The following RTN1 variants were observed in gnomAD, a reference collection of about 807,000 sequenced individuals.
RTN1 encodes reticulon-1.
RTN1 carries 25 observed loss-of-function variants against 65.5 expected under a neutral mutation model. The observed-to-expected ratio is 0.38, with a 90% CI of 0.28 to 0.53. RTN1 has a LOEUF of 0.53. Among genes scored for constraint, RTN1 ranks in the 20% least tolerant of loss-of-function variants. The pLI is 0.79. For synonymous variants in RTN1, 471 were observed against 447.6 expected (o/e 1.05, Z -0.66); for missense variants, 983 against 1,025.4 (o/e 0.96, Z 0.57).
At chr14:59,840,604 T>C (rs1887293333) in intron 1 of RTN1, among the ~76,000 whole-genome samples, 1 of 152,204 alleles carries the variant, frequency 6.6e-6, no homozygotes, top group Admixed American at 6.5e-5. Context: ...CCCTATATCT[T>C]ATATCACTTC....
intron 3 of RTN1, among the ~76,000 whole-genome samples, chr14:59,616,378 G>C (rs1882101740): frequency 6.6e-6 from 1 of 152,034 alleles, no homozygotes; most frequent in Non-Finnish European, 1.5e-5. Context: ...TCTCATTTTG[G>C]TGAAAATTGT....
intron 3 of RTN1, among the ~76,000 whole-genome samples, chr14:59,679,829 G>A (rs998988072): frequency 6.6e-6 from 1 of 152,080 alleles, no homozygotes; most frequent in Non-Finnish European, 1.5e-5. Context: ...ATTTTCCAGA[G>A]CTTCCATACA....
chr14:59,596,866 C>G, intron 8 of RTN1, 79 bp from the exon 9 acceptor site: 5 of 1,081,240 alleles, frequency 4.6e-6, no homozygotes, highest in Non-Finnish European at 7.2e-6. Context: ...CTTTAATTAG[C>G]TAAGTGACCA....
At chr14:59,775,430 TC>T (rs1026539108) in intron 1 of RTN1, among the ~76,000 whole-genome samples, 2 of 152,122 alleles carry the variant, frequency 1.3e-5, no homozygotes, top group African/African-American at 4.8e-5. Flanking sequence ...ACAAATCCTA[TC>T]CCAGTATTTT....
At chr14:59,848,533 T>G (rs1887449363) in intron 1 of RTN1, among the ~76,000 whole-genome samples, 1 of 152,182 alleles carries the variant, frequency 6.6e-6, no homozygotes, top group African/African-American at 2.4e-5. Context: ...TTCTTATAAC[T>G]CATATAAATA....
chr14:59,648,217 A>G (rs570285091), intron 3 of RTN1, among the ~76,000 whole-genome samples: 1 of 152,338 alleles, frequency 6.6e-6, no homozygotes, highest in East Asian at 1.9e-4. Flanking sequence ...TCCTGGACAC[A>G]TATACCTTCT....
chr14:59,745,307 T>C (rs1348350706), intron 2 of RTN1, among the ~76,000 whole-genome samples: 1 of 152,128 alleles, frequency 6.6e-6, no homozygotes, highest in Non-Finnish European at 1.5e-5. Flanking sequence ...AGGTATTCTG[T>C]TATAAGCAAC....
chr14:59,790,537 A>T lies in RTN1; in HGVS notation c.242-44056T>A, dbSNP rs1177972590. On this transcript the variant is annotated intron_variant, in intron 1 of 8. Coordinates refer to ENST00000267484, the MANE Select transcript of RTN1 (RefSeq NM_021136.3). The surrounding 1 kb of genome is among the most constrained non-coding windows in gnomAD (Gnocchi z 4.1). The stretch of plus-strand genomic sequence containing the variant: ...ATAGAAGCCTGATTTTTCCTCTTCT[A>T]GGGGATTTGGTTTTGTGTGTGAAAG... Among the ~76,000 whole-genome samples, 1 of 151,938 alleles carries T rather than the reference A, an allele frequency of 6.6e-6. No individual in the cohort carries two copies. Among genetic ancestry groups the T allele is most frequent in the Admixed American group, 6.6e-5 (1 of 15,240 alleles).
intron 1 of RTN1, among the ~76,000 whole-genome samples, chr14:59,821,604 G>T (rs752340216): frequency 6.6e-6 from 1 of 152,142 alleles, no homozygotes; most frequent in Non-Finnish European, 1.5e-5. Context: ...TTCCCAAGGG[G>T]AATGCTTCCA....
intron 3 of RTN1, among the ~76,000 whole-genome samples, chr14:59,714,535 T>C (rs145401427): frequency 6.6e-6 from 1 of 152,212 alleles, no homozygotes; most frequent in African/African-American, 2.4e-5. Context: ...TCTAGAGCCT[T>C]GAAGGAGGAA....
intron 1 of RTN1, among the ~76,000 whole-genome samples, chr14:59,771,253 G>A (rs1040035062): frequency 1.6e-4 from 25 of 152,148 alleles, no homozygotes; most frequent in African/African-American, 5.8e-4. Context: ...GAAGCTACCT[G>A]TGGCCATGGA....
intron 1 of RTN1, among the ~76,000 whole-genome samples, chr14:59,840,125 T>C (rs1397585890): frequency 6.6e-6 from 1 of 152,228 alleles, no homozygotes; most frequent in East Asian, 1.9e-4. Context: ...TATTCCATTC[T>C]AGGATGGGCC....
rs148765222 is a variant in RTN1, at chr14:59,721,521, C to T, written c.1765+5398G>A. Among the ~76,000 whole-genome samples, 159 of 152,250 alleles carry T rather than the reference C, an allele frequency of 1.0e-3. 1 individual carries two copies. Among genetic ancestry groups the T allele is most frequent in the African/African-American group, 3.7e-3 (154 of 41,534 alleles). Reference sequence around the variant, plus strand: ...TTAAAAGTGCAGATGTATGCCCCAGCCAGTTCTCATTCTGTAGTTTCGAGG... The same window carrying T: ...TTAAAAGTGCAGATGTATGCCCCAGTCAGTTCTCATTCTGTAGTTTCGAGG... On this transcript the variant is annotated intron_variant, in intron 3 of 8. Coordinates refer to ENST00000267484, the MANE Select transcript of RTN1 (RefSeq NM_021136.3).
intron 1 of RTN1, among the ~76,000 whole-genome samples, chr14:59,802,581 T>C (rs1446750428): frequency 6.6e-6 from 1 of 152,244 alleles, no homozygotes; most frequent in Admixed American, 6.5e-5. Context: ...TGTGATTTTA[T>C]ATGAGATGGC....
chr14:59,752,971 C>A (rs61985057), intron 1 of RTN1, among the ~76,000 whole-genome samples: 10,910 of 152,218 alleles, frequency 0.072, 541 homozygotes, highest in Non-Finnish European at 0.11. Flanking sequence ...TAGACAGAAA[C>A]CAGTACTTTG....
At chr14:59,848,198 G>T (rs942155655) in intron 1 of RTN1, among the ~76,000 whole-genome samples, 4 of 152,124 alleles carry the variant, frequency 2.6e-5, no homozygotes, top group African/African-American at 9.7e-5. Flanking sequence ...ACTTGTAATG[G>T]TCACCACCTG....
At chr14:59,642,165 C>T (rs1882794898) in intron 3 of RTN1, among the ~76,000 whole-genome samples, 1 of 152,106 alleles carries the variant, frequency 6.6e-6, no homozygotes, top group Non-Finnish European at 1.5e-5. Flanking sequence ...TATTTCATTC[C>T]ACCAACATCT....
At chr14:59,688,696 A>C (rs1213952793) in intron 3 of RTN1, among the ~76,000 whole-genome samples, 2 of 152,214 alleles carry the variant, frequency 1.3e-5, no homozygotes, top group African/African-American at 4.8e-5. Context: ...AGGGCTATAG[A>C]AGCAAAGCCA....
At chr14:59,856,831 T>C (rs1198324099) in intron 1 of RTN1, among the ~76,000 whole-genome samples, 1 of 152,230 alleles carries the variant, frequency 6.6e-6, no homozygotes, top group African/African-American at 2.4e-5. Flanking sequence ...TAATAGTACC[T>C]TATAGATACA....
Sources: gnomAD v4.1 joint callset for allele counts (sites outside exome capture counted in the v4.1 genomes callset) on GRCh38, gnomAD v4.1.1 for gene constraint, Gnocchi (gnomAD v3.1) non-coding constraint, MANE v1.5 for transcripts, NCBI Gene and HGNC (gene_info 2026-07-23, HGNC 2026-07-21) for gene names.